SOX5: variants seen among roughly 807,000 people sequenced by gnomAD.
SOX5 encodes the protein SRY-box transcription factor 5.
In SOX5, 9 loss-of-function variants were observed where a neutral mutation model predicts 92.0. The ratio of observed to expected loss-of-function variants is 0.10; its 90% CI spans 0.06 to 0.17. The LOEUF (loss-of-function observed/expected upper bound fraction) is 0.17, where lower values mean the gene tolerates loss of function less well. Among genes scored for constraint, SOX5 ranks in the 10% least tolerant of loss-of-function variants. The pLI is 1.00. For missense variants in SOX5, 642 were observed against 944.5 expected, an observed-to-expected ratio of 0.68 and a Z score of 4.20; for synonymous variants, 344 against 336.3, an observed-to-expected ratio of 1.02 and a Z score of -0.25.
intron 8 of SOX5, among the ~76,000 whole-genome samples, chr12:23,629,413 G>A (rs923420563): frequency 5.9e-5 from 9 of 151,920 alleles, no homozygotes; most frequent in East Asian, 1.9e-4. Context: ...CTAGGATTCC[G>A]GGCACCCTTT....
chr12:24,064,394 C>T (rs545448527), intron 4 of SOX5, among the ~76,000 whole-genome samples: 18 of 152,300 alleles, frequency 1.2e-4, no homozygotes, highest in Middle Eastern at 3.4e-3. Context: ...CTGGTAACCA[C>T]GGCACCCGAT....
At chr12:24,276,909 T>C (rs1944495803) in intron 3 of SOX5, among the ~76,000 whole-genome samples, 1 of 152,084 alleles carries the variant, frequency 6.6e-6, no homozygotes, top group Non-Finnish European at 1.5e-5. Context: ...AAAACATTTT[T>C]CAGTGGAGAA....
intron 7 of SOX5, among the ~76,000 whole-genome samples, chr12:23,655,310 G>A (rs1029281676): frequency 1.3e-5 from 2 of 151,964 alleles, no homozygotes; most frequent in African/African-American, 2.4e-5. Context: ...TTAAGGTATT[G>A]CACAATAACT....
chr12:24,560,666 C>T (rs1360882563), intron 1 of SOX5, among the ~76,000 whole-genome samples: 1 of 152,156 alleles, frequency 6.6e-6, no homozygotes, highest in Non-Finnish European at 1.5e-5. Flanking sequence ...TTAGACAGAT[C>T]AAAATTTAGC....
At chr12:24,297,036 A>AT (rs1271214961) in intron 2 of SOX5, among the ~76,000 whole-genome samples, 1 of 151,976 alleles carries the variant, frequency 6.6e-6, no homozygotes, top group Non-Finnish European at 1.5e-5. Context: ...TGAATTAATA[A>AT]TTTTTTGTAT....
chr12:23,652,517 G>GTTTTTTTTTTTT (rs3030242), intron 7 of SOX5, among the ~76,000 whole-genome samples: 47 of 140,050 alleles, frequency 3.4e-4, no homozygotes, highest in African/African-American at 1.2e-3. Flanking sequence ...CTCTTCTACT[G>GTTTTTTTTTTTT]TTTTTTTTTT....
intron 1 of SOX5, among the ~76,000 whole-genome samples, chr12:24,524,340 C>CATCTATCTATCTATCTATCT (rs146131503): frequency 2.3e-4 from 34 of 145,260 alleles, no homozygotes; most frequent in East Asian, 2.1e-3. Flanking sequence ...AATCCCCTCC[C>CATCTATCTATCTATCTATCT]ATCTATCTAT....
chr12:24,202,945 T>G (rs1957670646), intron 4 of SOX5, among the ~76,000 whole-genome samples: 1 of 152,202 alleles, frequency 6.6e-6, no homozygotes, highest in African/African-American at 2.4e-5. Context: ...ATGTTGATAC[T>G]CTGTAAATAT....
chr12:24,355,122 A>T (rs181888710), intron 2 of SOX5, among the ~76,000 whole-genome samples: 94 of 152,166 alleles, frequency 6.2e-4, no homozygotes, highest in African/African-American at 2.0e-3. Context: ...ACTGGACCCA[A>T]ATGTGTAAAT....
intron 4 of SOX5, among the ~76,000 whole-genome samples, chr12:23,990,987 T>C (rs185057952): frequency 6.6e-6 from 1 of 151,952 alleles, no homozygotes; most frequent in African/African-American, 2.4e-5. Context: ...TAGGTGAAGA[T>C]CTATTTGGAA....
intron 4 of SOX5, among the ~76,000 whole-genome samples, chr12:24,002,675 T>C (rs923391746): frequency 1.3e-5 from 2 of 151,392 alleles, no homozygotes; most frequent in Admixed American, 6.6e-5. Context: ...AAATACTTTA[T>C]AGGGAGTATG....
chr12:24,008,065 A>T (rs1191125574), intron 4 of SOX5, among the ~76,000 whole-genome samples: 6 of 152,076 alleles, frequency 3.9e-5, no homozygotes, highest in Admixed American at 3.9e-4. Context: ...GAGAGAAATA[A>T]CTATAGAGAC....
chr12:24,147,564 G>A (rs1022532233), intron 4 of SOX5, among the ~76,000 whole-genome samples: 1 of 152,142 alleles, frequency 6.6e-6, no homozygotes, highest in Admixed American at 6.5e-5. Context: ...GGTTGTATGG[G>A]AGTGCAATAA....
chr12:24,437,674 C>T (rs1459587721), intron 1 of SOX5, among the ~76,000 whole-genome samples: 1 of 152,090 alleles, frequency 6.6e-6, no homozygotes, highest in Non-Finnish European at 1.5e-5. Context: ...AGCCATCAAA[C>T]ATGAAAAAAA....
intron 4 of SOX5, among the ~76,000 whole-genome samples, chr12:24,156,867 C>A (rs1482358552): frequency 1.3e-5 from 2 of 152,074 alleles, no homozygotes; most frequent in Non-Finnish European, 2.9e-5. Context: ...GAGAAAATGT[C>A]TTTTGGTAAA....
chr12:24,315,348 CAT>C (rs1194878042), intron 2 of SOX5, among the ~76,000 whole-genome samples: 6 of 152,052 alleles, frequency 3.9e-5, no homozygotes, highest in Admixed American at 3.9e-4. Context: ...ATACAATTAA[CAT>C]ATCTTACTTG....
chr12:24,432,787 G>A (rs1176237389), intron 1 of SOX5, among the ~76,000 whole-genome samples: 1 of 152,056 alleles, frequency 6.6e-6, no homozygotes, highest in Non-Finnish European at 1.5e-5. Context: ...ACTCCAGCCT[G>A]GTGACAGAGC....
At chr12:24,150,171 T>C (rs1007743797) in intron 4 of SOX5, among the ~76,000 whole-genome samples, 2 of 152,224 alleles carry the variant, frequency 1.3e-5, no homozygotes, top group South Asian at 2.1e-4. Flanking sequence ...TAGAAACTCA[T>C]TGTACAATAT....
intron 4 of SOX5, among the ~76,000 whole-genome samples, chr12:24,131,122 C>T (rs1949606223): frequency 6.6e-6 from 1 of 152,150 alleles, no homozygotes; most frequent in Non-Finnish European, 1.5e-5. Context: ...TTATTTTTTG[C>T]ACCATCAAAA....
Sources: gnomAD v4.1 joint callset for allele counts (sites outside exome capture counted in the v4.1 genomes callset) on GRCh38, gnomAD v4.1.1 for gene constraint, MANE v1.5 for transcripts, NCBI Gene and HGNC (gene_info 2026-07-23, HGNC 2026-07-21) for gene names.